The following ZC3H12B variants were observed in gnomAD, a reference collection of about 807,000 sequenced individuals.
The protein encoded by ZC3H12B is probable ribonuclease ZC3H12B.
A neutral mutation model predicts 43.9 loss-of-function variants in ZC3H12B; 7 were observed. That is an observed-to-expected ratio of 0.16 (90% CI 0.09 to 0.30). The LOEUF is 0.30. Ranked by LOEUF, ZC3H12B falls within the 10% of genes least tolerant of loss-of-function variation. The pLI, the probability that ZC3H12B is intolerant of heterozygous loss-of-function variation, is 1.00. For synonymous variants in ZC3H12B, 222 were observed against 241.7 expected, an observed-to-expected ratio of 0.92 and a Z score of 0.76; for missense variants, 475 against 670.2, an observed-to-expected ratio of 0.71 and a Z score of 3.22.
At chrX:65,326,796 C>A in the ZC3H12B span, among the ~76,000 whole-genome samples, 1 of 111,050 alleles carries the variant, frequency 9.0e-6, no homozygotes, top group African/African-American at 3.3e-5. Context: ...TAAAATTTAA[C>A]TCAATTTTTA....
intron 2 of ZC3H12B, among the ~76,000 whole-genome samples, chrX:65,377,308 C>T (rs1209541874): frequency 9.2e-6 from 1 of 109,262 alleles, no homozygotes; most frequent in African/African-American, 3.3e-5. Context: ...AGTTATTGGC[C>T]TTAAAGAGGA....
chrX:65,216,538 G>C, the ZC3H12B span, among the ~76,000 whole-genome samples: 3 of 111,419 alleles, frequency 2.7e-5, no homozygotes, highest in East Asian at 8.5e-4. Flanking sequence ...TGTCAGTCAG[G>C]CTACAGAGAA....
the ZC3H12B span, among the ~76,000 whole-genome samples, chrX:65,066,178 C>A: frequency 1.8e-5 from 2 of 110,588 alleles, no homozygotes; most frequent in Non-Finnish European, 3.8e-5. Context: ...CAGTTTTGTT[C>A]TCTTGCTGGC....
At chrX:65,421,105 A>T (rs773605729) in intron 3 of ZC3H12B, among the ~76,000 whole-genome samples, 1 of 112,355 alleles carries the variant, frequency 8.9e-6, no homozygotes, top group Non-Finnish European at 1.9e-5. Context: ...GGTTCATTAC[A>T]TTGATGACAC....
At chrX:65,137,317 G>A in the ZC3H12B span, among the ~76,000 whole-genome samples, 1 of 112,042 alleles carries the variant, frequency 8.9e-6, no homozygotes, top group Non-Finnish European at 1.9e-5. Flanking sequence ...TAAGCTTTGT[G>A]AAAACAGTTT....
chrX:65,149,833 T>C, the ZC3H12B span, among the ~76,000 whole-genome samples: 1 of 107,089 alleles, frequency 9.3e-6, no homozygotes, highest in Non-Finnish European at 1.9e-5. Context: ...AGTAAAGTAT[T>C]ATGGGCATCT....
chrX:65,058,527 A>G, the ZC3H12B span, among the ~76,000 whole-genome samples: 1 of 111,886 alleles, frequency 8.9e-6, no homozygotes, highest in Non-Finnish European at 1.9e-5. Context: ...TGAGTTAGGG[A>G]CCCACTTGAG....
At chrX:65,046,167 C>A in the ZC3H12B span, among the ~76,000 whole-genome samples, 1 of 111,557 alleles carries the variant, frequency 9.0e-6, no homozygotes, top group South Asian at 3.8e-4. Flanking sequence ...AAATCACCAT[C>A]TACATTAGCC....
chrX:65,417,630 T>A (rs577170407), intron 3 of ZC3H12B, among the ~76,000 whole-genome samples: 73 of 112,662 alleles, frequency 6.5e-4, no homozygotes, highest in South Asian at 3.6e-3. Context: ...ATTAAATTAT[T>A]CTCTCTGGAG....
intron 3 of ZC3H12B, among the ~76,000 whole-genome samples, chrX:65,467,770 T>C (rs1386180942): frequency 8.9e-6 from 1 of 112,557 alleles, no homozygotes; most frequent in Non-Finnish European, 1.9e-5. Context: ...TGTCTACTCA[T>C]ATCACTTGCC....
the ZC3H12B span, among the ~76,000 whole-genome samples, chrX:65,154,924 C>G: frequency 9.1e-6 from 1 of 110,032 alleles, no homozygotes; most frequent in East Asian, 2.8e-4. Flanking sequence ...TGGTTATTAT[C>G]TATTAGCTCA....
chrX:65,301,071 A>G, the ZC3H12B span, among the ~76,000 whole-genome samples: 3 of 111,937 alleles, frequency 2.7e-5, no homozygotes, highest in Admixed American at 2.8e-4. Context: ...GCCAACAAAC[A>G]TATTTTAAAA....
the ZC3H12B span, among the ~76,000 whole-genome samples, chrX:65,037,635 T>C: frequency 4.5e-5 from 5 of 111,211 alleles, no homozygotes; most frequent in African/African-American, 1.6e-4. Flanking sequence ...TTTTGTAACC[T>C]GTACATTTTT....
chrX:65,423,958 T>G (rs1478734172), intron 3 of ZC3H12B, among the ~76,000 whole-genome samples: 1 of 112,141 alleles, frequency 8.9e-6, no homozygotes, highest in Non-Finnish European at 1.9e-5. Flanking sequence ...GATACCTAGT[T>G]TGTTGAGTAT....
chrX:65,054,266 A>G, the ZC3H12B span, among the ~76,000 whole-genome samples: 1 of 111,708 alleles, frequency 9.0e-6, no homozygotes, highest in Non-Finnish European at 1.9e-5. Context: ...TCTTTAATCC[A>G]TCTTGAATTA....
chrX:65,427,151 T>C (rs1359224933), intron 3 of ZC3H12B, among the ~76,000 whole-genome samples: 9 of 111,860 alleles, frequency 8.0e-5, no homozygotes, highest in Non-Finnish European at 1.5e-4. Context: ...CCATATTGGG[T>C]GCATATATAT....
chrX:65,276,420 AAAG>A, the ZC3H12B span, among the ~76,000 whole-genome samples: 4 of 111,603 alleles, frequency 3.6e-5, no homozygotes, highest in African/African-American at 1.3e-4. Flanking sequence ...CATTAAAGAA[AAAG>A]AAAGAATTAT....
At chrX:65,422,418 GT>G (rs2067028796) in intron 3 of ZC3H12B, among the ~76,000 whole-genome samples, 1 of 112,323 alleles carries the variant, frequency 8.9e-6, no homozygotes, top group African/African-American at 3.2e-5. Flanking sequence ...ATTAAGTATA[GT>G]TTAAAATGTA....
the ZC3H12B span, among the ~76,000 whole-genome samples, chrX:65,225,745 C>T: frequency 1.5e-3 from 168 of 111,465 alleles, 1 homozygote; most frequent in African/African-American, 5.0e-3. Context: ...CCTCAGGAGC[C>T]GATGTGATCA....
Sources: allele counts gnomAD v4.1 joint callset (sites outside exome capture counted in the v4.1 genomes callset), GRCh38; gene constraint gnomAD v4.1.1; transcripts MANE v1.5; gene names NCBI Gene and HGNC (gene_info 2026-07-23, HGNC 2026-07-21).